The following NBEAL2 variants were observed in gnomAD, a reference collection of about 807,000 sequenced individuals.
NBEAL2 encodes neurobeachin like 2.
Under a neutral mutation model 299.8 loss-of-function variants are expected in NBEAL2, and 160 were observed. The observed-to-expected ratio is 0.53, with a 90% CI of 0.47 to 0.61. The LOEUF is 0.61. Among genes scored for constraint, NBEAL2 ranks in the 20% least tolerant of loss-of-function variants. NBEAL2 has a pLI of 0.00. For missense variants in NBEAL2, 3,112 were observed against 3,649.0 expected (o/e 0.85, Z 3.79); for synonymous variants, 1,493 against 1,542.3 (o/e 0.97, Z 0.75).
In NBEAL2 at chr3:47,009,087, G is replaced by T; in HGVS notation, c.8126G>T (p.Gly2709Val). The T allele has an allele frequency of 6.2e-7, 1 of 1,601,340 alleles. No individual in the cohort carries two copies. The change falls in exon 53 of 54, where the codon GGC becomes GTC. Residue 2709 changes from glycine (G) to valine (V), a missense_variant. Coordinates refer to ENST00000450053, the MANE Select transcript of NBEAL2 (RefSeq NM_015175.3). ...RSHVLVGLED[G>V]KLIVVVAGQP... ...CACGTGCTGGTGGGCCTGGAGGATG[G>T]CAAGCTCATCGTGGTGGTCGCGGGG...
chr3:47,009,669 C>T lies in NBEAL2; in HGVS notation c.*349C>T, dbSNP rs983286845. 3 of 320,942 alleles carry T rather than the reference C, an allele frequency of 9.3e-6. No homozygotes were observed. Among genetic ancestry groups the T allele is most frequent in the Middle Eastern group, 9.0e-4 (1 of 1,108 alleles). 19.9% of individuals were successfully genotyped at this position (320,942 alleles called of 1,614,324 possible). A position where few individuals can be genotyped will look rare whatever the true frequency, so the allele number is the denominator to read the frequency against. ...ATTCCTAACGGCGGCCCCGGTTCTC[C>T]CTTCTCGGCAATAAACCAGGCCTAG... On this transcript the variant is annotated 3_prime_UTR_variant, in exon 54 of 54. Coordinates refer to ENST00000450053, the MANE Select transcript of NBEAL2 (RefSeq NM_015175.3).
rs780018105 is a variant in NBEAL2 at position 46,988,038 on chromosome 3, C to T, written c.52-631C>T. The T allele has an allele frequency of 4.7e-6, 6 of 1,275,240 alleles. No homozygotes were observed. In the South Asian group the frequency reaches 7.5e-5, roughly 16 times the overall value. The allele number at this position is 1,275,240 out of a possible 1,614,324, so 79.0% of individuals were successfully genotyped here. ...CCTAGACCTGGGCTTAGCCACTGCCCCTCTTGCCCATGGAACCAGCTCTGG... is the reference window on the plus strand; with the variant it reads ...CCTAGACCTGGGCTTAGCCACTGCCTCTCTTGCCCATGGAACCAGCTCTGG... On this transcript the variant is annotated intron_variant, in intron 1 of 53. Coordinates refer to ENST00000450053, the MANE Select transcript of NBEAL2 (RefSeq NM_015175.3). The surrounding 1 kb of genome is among the most constrained non-coding windows in gnomAD (Gnocchi z 4.4).
rs2036049962 is a variant in NBEAL2 at position 46,991,131 on chromosome 3, C to T, written c.557-88C>T. ...TTGGCCCAGCTCCCTCTCCCCTCCA[C>T]CCCAGGGCACTCACCTCTTGTGCAG... On this transcript the variant is annotated intron_variant, in intron 6 of 53. Coordinates refer to ENST00000450053, the MANE Select transcript of NBEAL2 (RefSeq NM_015175.3). This position sits in a 1 kb window ranked among gnomAD's most constrained non-coding sequence, Gnocchi z 6.2. 4.1e-6 allele frequency: 5 copies of T among 1,209,964 alleles called. No homozygotes were observed. The highest frequency in any genetic ancestry group is 1.3e-5 in the South Asian group (1 of 76,322). The allele number at this position is 1,209,964 out of a possible 1,614,324, so 75.0% of individuals were successfully genotyped here.
rs757304909 is a variant in NBEAL2 at position 47,003,970 on chromosome 3, G to A, written c.5875G>A (p.Glu1959Lys). The change falls in exon 36 of 54, where the codon GAG becomes AAG. Residue 1959 changes from glutamate (E) to lysine (K), a missense_variant. By Grantham distance (56) the Glu-to-Lys change is moderately conservative (BLOSUM62 1). Around this residue, in one of 3 missense-constraint regions of NBEAL2, gnomAD observed 521 missense variants for 729.6 expected, o/e 0.71. Transcript: ENST00000450053. This position sits in a 1 kb window ranked among gnomAD's most constrained non-coding sequence, Gnocchi z 7.0. The stretch of plus-strand genomic sequence containing the variant: ...TGGCAGCACTGAGCGCGTGGAAACC[G>A]AGGAGGGTGCGTCCTGGTGGTGTGG... ...YDGSTERVET[E>K]EGIGYDFRRP... 41 of 1,613,144 alleles carry A rather than the reference G, an allele frequency of 2.5e-5. No homozygotes were observed. The highest frequency in any genetic ancestry group is 1.3e-5 in the African/African-American group (1 of 74,856).
rs200077142 is a variant in NBEAL2, at chr3:47,004,425, C to G, written c.6198+32C>G. 25 of 1,591,828 alleles carry G rather than the reference C, an allele frequency of 1.6e-5. No homozygotes were observed. Among genetic ancestry groups the G allele is most frequent in the Non-Finnish European group, 2.1e-5 (25 of 1,166,320 alleles). ...GCCCTGGGTGTGAGGGATGTGAAGT[C>G]GGGACCCTGAATCACGGGGCAGTGC... On this transcript the variant is annotated intron_variant, in intron 37 of 53. Coordinates refer to ENST00000450053, the MANE Select transcript of NBEAL2 (RefSeq NM_015175.3). The surrounding 1 kb of genome is among the most constrained non-coding windows in gnomAD (Gnocchi z 5.0).
chr3:46,984,671 G>T (rs1207259150), intron 1 of NBEAL2, among the ~76,000 whole-genome samples: 2 of 152,152 alleles, frequency 1.3e-5, no homozygotes. Flanking sequence ...ACTTCTGCTT[G>T]TCTGTCCCTG....
chr3:47,004,845 C>A lies in NBEAL2; in HGVS notation c.6295-127C>A. ...ACTCTGTCCTTCTCCCCTGTGACCC[C>A]TCTAAGTGGTGCTCCCCCAACCTGT... On this transcript the variant is annotated intron_variant, in intron 38 of 53. Transcript: ENST00000450053. This position sits in a 1 kb window ranked among gnomAD's most constrained non-coding sequence, Gnocchi z 5.0. 7.1e-7 allele frequency: 1 copy of A among 1,405,228 alleles called. No individual in the cohort carries two copies. Among genetic ancestry groups the A allele is most frequent in the Non-Finnish European group, 9.7e-7 (1 of 1,035,920 alleles). 87.0% of individuals were successfully genotyped at this position (1,405,228 alleles called of 1,614,324 possible).
intron 6 of NBEAL2, among the ~76,000 whole-genome samples, chr3:46,990,182 T>C (rs2035985097): frequency 6.6e-6 from 1 of 152,132 alleles, no homozygotes; most frequent in African/African-American, 2.4e-5. Flanking sequence ...TGGTGACCTA[T>C]TGGGATATTA....
intron 19 of NBEAL2, 39 bp downstream of exon 19, chr3:46,997,472 T>C (rs2107357777): frequency 6.3e-7 from 1 of 1,597,442 alleles, no homozygotes; most frequent in East Asian, 2.3e-5. Flanking sequence ...AGAGGGAATC[T>C]TGGCATGGTA....
intron 11 of NBEAL2, 47 bp downstream of exon 11, chr3:46,994,067 C>A: frequency 2.6e-6 from 4 of 1,534,734 alleles, no homozygotes; most frequent in Non-Finnish European, 3.6e-6. Context: ...GGGTGGAGTT[C>A]AACTGACCAT....
Position 46,982,151 on chromosome 3 carries a change from GGGA to G in NBEAL2, c.51+2244_51+2246del, listed in dbSNP as rs1264819946. 6.6e-6 allele frequency: 1 copy of G among 152,240 alleles called. No individual in the cohort carries two copies. The highest frequency in any genetic ancestry group is 2.4e-5 in the African/African-American group (1 of 41,414). The allele number at this position is 152,240 out of a possible 1,614,324, so 9.4% of individuals were successfully genotyped here. On this transcript the variant is annotated intron_variant, in intron 1 of 53. Transcript: ENST00000450053. The surrounding 1 kb of genome is among the most constrained non-coding windows in gnomAD (Gnocchi z 4.2). ...CCCTGATCCTGGAACCCCCAATCCA[GGGA>G]GGAGTAGGCTATGCAACTTTGAGTC...
In NBEAL2 at chr3:47,009,689, G is replaced by A; in HGVS notation, c.*369G>A. 1 of 270,184 alleles carries A rather than the reference G, an allele frequency of 3.7e-6. No individual in the cohort carries two copies. The highest frequency in any genetic ancestry group is 7.1e-6 in the Non-Finnish European group (1 of 140,812). 16.7% of individuals were successfully genotyped at this position (270,184 alleles called of 1,614,324 possible). A position where few individuals can be genotyped will look rare whatever the true frequency, so the allele number is the denominator to read the frequency against. ...TTCTCCCTTCTCGGCAATAAACCAG[G>A]CCTAGTTTTGTAGCTGCTCCGTCTC... is the stretch of plus-strand genomic sequence containing the variant. On this transcript the variant is annotated 3_prime_UTR_variant, in exon 54 of 54. Coordinates refer to ENST00000450053, the MANE Select transcript of NBEAL2 (RefSeq NM_015175.3).
At position 47,004,249 on chromosome 3, in the gene NBEAL2, C is replaced by A. The variant is rs1079276; in HGVS notation, c.6054C>A (p.Pro2018=). 6.9e-5 allele frequency: 112 copies of A among 1,613,382 alleles called. No individual in the cohort carries two copies. The highest frequency in any genetic ancestry group is 8.3e-5 in the Non-Finnish European group (98 of 1,179,762). ...CAGTCTCATCTCCTAGCCAGACTCC[C>A]AGACCCCAGCCTGGCCCCATCCCAC... ...TTPVSSPSQT[P]RPQPGPIPPH... Residue 2018 remains proline, a synonymous_variant, in exon 37 of 54, where the codon CCC becomes CCA. Coordinates refer to ENST00000450053, the MANE Select transcript of NBEAL2 (RefSeq NM_015175.3). This position sits in a 1 kb window ranked among gnomAD's most constrained non-coding sequence, Gnocchi z 5.0.
intron 10 of NBEAL2, 39 bp from the exon 11 acceptor site, chr3:46,993,898 T>C (rs1419287655): frequency 6.4e-7 from 1 of 1,568,252 alleles, no homozygotes. Context: ...TGTGACACCC[T>C]GGCCCCTGCC....
rs35275864 is a variant in NBEAL2 at position 46,983,311 on chromosome 3, C to CTT, written c.51+3415_51+3416dup. ...CCCGGTACTTTACCTGGTCATATTC[C>CTT]TTTTTTTTTTTTTTTTTAGACAGAG... On this transcript the variant is annotated intron_variant, in intron 1 of 53. Coordinates refer to ENST00000450053, the MANE Select transcript of NBEAL2 (RefSeq NM_015175.3). Among the ~76,000 whole-genome samples, 347 of 131,140 alleles carry CTT rather than the reference C, an allele frequency of 2.6e-3. 2 individuals carry two copies. Among genetic ancestry groups the CTT allele is most frequent in the South Asian group, 0.011 (46 of 4,106 alleles). The allele number at this position is 131,140 out of a possible 152,430, so 86.0% of individuals were successfully genotyped here.
At position 47,001,595 on chromosome 3, in the gene NBEAL2, A is replaced by G; in HGVS notation, c.4645-94A>G. On this transcript the variant is annotated intron_variant, in intron 29 of 53. Transcript: ENST00000450053. This position sits in a 1 kb window ranked among gnomAD's most constrained non-coding sequence, Gnocchi z 6.1. The stretch of plus-strand genomic sequence containing the variant: ...GGACTTGCCTGTGTGCACAAACCCT[A>G]CCTGGCCCCCAGCGCAAACTTTACT... The G allele has an allele frequency of 6.3e-7, 1 of 1,578,756 alleles. No individual in the cohort carries two copies. Among genetic ancestry groups the G allele is most frequent in the South Asian group, 1.1e-5 (1 of 88,530 alleles).
Position 46,994,021 on chromosome 3 carries a change from G to T in NBEAL2, c.1197+1G>T, listed in dbSNP as rs1478834809. 4.4e-6 allele frequency: 7 copies of T among 1,608,530 alleles called. No individual in the cohort carries two copies. Among genetic ancestry groups the T allele is most frequent in the Non-Finnish European group, 5.9e-6 (7 of 1,177,868 alleles). ...CATGAGTGACTCCCCCTCGGCCAAGGTGAGGCTGCTGCACTGCAGCTTTAG... is the reference window on the plus strand; with the variant it reads ...CATGAGTGACTCCCCCTCGGCCAAGTTGAGGCTGCTGCACTGCAGCTTTAG... On this transcript the variant is annotated splice_donor_variant, in intron 11 of 53. Coordinates refer to ENST00000450053, the MANE Select transcript of NBEAL2 (RefSeq NM_015175.3). LOFTEE classifies it high-confidence loss of function.
Position 47,009,523 on chromosome 3 carries a change from C to G in NBEAL2, c.*203C>G, listed in dbSNP as rs932810599. ...TCCCGCCCCTCGCCGGCTGAGGGGC[C>G]GCCCTGAGGGCCAGCACTGGCGTCT... On this transcript the variant is annotated 3_prime_UTR_variant, in exon 54 of 54. Coordinates refer to ENST00000450053, the MANE Select transcript of NBEAL2 (RefSeq NM_015175.3). The G allele has an allele frequency of 1.7e-6, 1 of 597,370 alleles. No homozygotes were observed. Among genetic ancestry groups the G allele is most frequent in the Non-Finnish European group, 2.9e-6 (1 of 340,878 alleles). The allele number at this position is 597,370 out of a possible 1,614,324, so 37.0% of individuals were successfully genotyped here.
Position 47,004,177 on chromosome 3 carries a change from T to C in NBEAL2, c.5982T>C (p.Asp1994=), listed in dbSNP as rs765326081. 1.9e-6 allele frequency: 3 copies of C among 1,613,734 alleles called. No homozygotes were observed. The South Asian group carries it at 3.3e-5, about 18-fold the overall frequency. Residue 1994 remains aspartate, a synonymous_variant, in exon 37 of 54, where the codon GAT becomes GAC. Transcript: ENST00000450053. This position sits in a 1 kb window ranked among gnomAD's most constrained non-coding sequence, Gnocchi z 5.0. The part of the protein sequence containing the change: ...RRSALELFFI[D]QANYFLNFPC... ...CAGCACTTGAGCTCTTCTTTATCGA[T>C]CAGGCCAACTACTTCCTCAACTTCC...
Sources: allele counts gnomAD v4.1 joint callset (sites outside exome capture counted in the v4.1 genomes callset), GRCh38; gene constraint gnomAD v4.1.1; regional missense constraint gnomAD v4.1.1; non-coding constraint Gnocchi (gnomAD v3.1); transcripts MANE v1.5; gene names NCBI Gene and HGNC (gene_info 2026-07-23, HGNC 2026-07-21).